Variants in ECT2L observed in about 807,000 individuals in gnomAD.
ECT2L encodes the protein epithelial cell-transforming sequence 2 oncogene-like.
Under a neutral mutation model 122.8 loss-of-function variants are expected in ECT2L, and 126 were observed. That is an observed-to-expected ratio of 1.03 (90% CI 0.89 to 1.19). The LOEUF (loss-of-function observed/expected upper bound fraction) is 1.19, where lower values mean the gene tolerates loss of function less well. Ranked by LOEUF, ECT2L falls within the 50% of genes most tolerant of loss-of-function variation. The probability of loss-of-function intolerance (pLI) is 0.00; values close to 1 mark genes in which losing one functional copy is unlikely to be tolerated. For missense variants in ECT2L, 1,012 were observed against 1,064.1 expected, an observed-to-expected ratio of 0.95 and a Z score of 0.68; for synonymous variants, 385 against 381.8, an observed-to-expected ratio of 1.01 and a Z score of -0.10.
At chr6:138,846,992 G>T (rs577158330) in intron 8 of ECT2L, among the ~76,000 whole-genome samples, 1 of 148,436 alleles carries the variant, frequency 6.7e-6, no homozygotes, top group African/African-American at 2.5e-5. Flanking sequence ...AAAAGGCCAG[G>T]TGCAGTGACT....
intron 21 of ECT2L, among the ~76,000 whole-genome samples, chr6:138,902,084 C>G (rs180740529): frequency 5.9e-5 from 9 of 152,284 alleles, no homozygotes; most frequent in Non-Finnish European, 1.0e-4. Flanking sequence ...GTTAAGTAAC[C>G]TAATAGACAG....
At chr6:138,806,644 C>T (rs767114596) in intron 1 of ECT2L, among the ~76,000 whole-genome samples, 20 of 150,934 alleles carry the variant, frequency 1.3e-4, no homozygotes, top group Non-Finnish European at 2.9e-4. Flanking sequence ...TCTCGAGTAG[C>T]TAGGATTACA....
chr6:138,885,780 T>C lies in ECT2L; in HGVS notation c.2209T>C (p.Leu737=). The C allele has an allele frequency of 3.7e-6, 6 of 1,614,190 alleles. No individual in the cohort carries two copies. The highest frequency in any genetic ancestry group is 3.3e-5 in the South Asian group (3 of 91,076). The change falls in exon 18 of 22, where the codon TTG becomes CTG. Residue 737 remains leucine, a synonymous_variant. Coordinates refer to ENST00000541398, the MANE Select transcript of ECT2L (RefSeq NM_001077706.3). ...TGCAGAGCATGTTGACCGTGGGGAC[T>C]TGACCACTGCAATTGACCAAATCAA... ...TPAEHVDRGD[L]TTAIDQIKKY... is the part of the protein sequence containing the mutation.
intron 4 of ECT2L, among the ~76,000 whole-genome samples, chr6:138,818,247 TCTCGTCA>T (rs1286657841): frequency 6.6e-5 from 10 of 152,126 alleles, no homozygotes; most frequent in Non-Finnish European, 1.2e-4. Context: ...AAGGATTCAC[TCTCGTCA>T]CTTGTCTCCA....
intron 1 of ECT2L, among the ~76,000 whole-genome samples, chr6:138,808,906 T>C (rs2128371268): frequency 6.6e-6 from 1 of 152,212 alleles, no homozygotes; most frequent in Middle Eastern, 3.4e-3. Flanking sequence ...TTTCTATTTT[T>C]AGTACAGATG....
At position 138,878,315 on chromosome 6, in the gene ECT2L, A is replaced by T. The variant is rs1341332584; in HGVS notation, c.1665+1757A>T. ...TAGATACATATATATATACACACAC[A>T]CACACACACACACACACATACATAT... On this transcript the variant is annotated intron_variant, in intron 14 of 21. Transcript: ENST00000541398. Among the ~76,000 whole-genome samples, 9 of 152,174 alleles carry T rather than the reference A, an allele frequency of 5.9e-5. No individual in the cohort carries two copies. The East Asian group carries it at 1.7e-3, about 29-fold the overall frequency.
rs1777228301 is a variant in ECT2L, at chr6:138,846,566, C to T, written c.792C>T (p.Tyr264=). 7 of 1,602,642 alleles carry T rather than the reference C, an allele frequency of 4.4e-6. No homozygotes were observed. The highest frequency in any genetic ancestry group is 5.1e-6 in the Non-Finnish European group (6 of 1,176,818). ...GCAATATTTCTGGAAGCCATTCCTACCCTTTATTATCAAAGAAAAATTGGC... is the reference window on the plus strand; with the variant it reads ...GCAATATTTCTGGAAGCCATTCCTATCCTTTATTATCAAAGAAAAATTGGC... ...KRSNISGSHS[Y]PLLSKKNWHG... Residue 264 remains tyrosine (Y), a synonymous_variant, in exon 8 of 22, where the codon TAC becomes TAT. Coordinates refer to ENST00000541398, the MANE Select transcript of ECT2L (RefSeq NM_001077706.3).
chr6:138,856,494 T>G (rs1322346872), intron 10 of ECT2L, among the ~76,000 whole-genome samples: 2 of 152,364 alleles, frequency 1.3e-5, no homozygotes, highest in Middle Eastern at 3.4e-3. Context: ...ATTACAGGCA[T>G]GAGCCACCAC....
At chr6:138,807,709 T>A (rs1041966266) in intron 1 of ECT2L, among the ~76,000 whole-genome samples, 1 of 152,180 alleles carries the variant, frequency 6.6e-6, no homozygotes, top group Non-Finnish European at 1.5e-5. Context: ...TTATTTCTCA[T>A]GGTTCTGAGG....
intron 4 of ECT2L, chr6:138,823,485 A>G (rs1776334490): frequency 1.3e-6 from 2 of 1,594,690 alleles, no homozygotes; most frequent in Admixed American, 3.5e-5. Flanking sequence ...CACAGTCGTT[A>G]TAGTTTTCAT....
At chr6:138,840,379 A>C (rs1776996657) in intron 5 of ECT2L, among the ~76,000 whole-genome samples, 1 of 125,906 alleles carries the variant, frequency 7.9e-6, no homozygotes, top group African/African-American at 2.5e-5. Context: ...ATATGTGACC[A>C]TATTTTTTTC....
At chr6:138,801,110 A>G (rs540440370) in intron 1 of ECT2L, among the ~76,000 whole-genome samples, 6 of 152,236 alleles carry the variant, frequency 3.9e-5, no homozygotes, top group Non-Finnish European at 8.8e-5. Context: ...TACATTGGCC[A>G]TTAAGGTTCA....
chr6:138,852,381 G>GTCT (rs1777480968), intron 9 of ECT2L, among the ~76,000 whole-genome samples: 1 of 150,750 alleles, frequency 6.6e-6, no homozygotes, highest in Admixed American at 6.6e-5. Context: ...AGAAGTAGAC[G>GTCT]TCTAGTTTCT....
intron 1 of ECT2L, among the ~76,000 whole-genome samples, chr6:138,798,878 G>A (rs554186410): frequency 1.2e-4 from 18 of 152,272 alleles, no homozygotes; most frequent in Non-Finnish European, 2.1e-4. Flanking sequence ...CCAATCCCAG[G>A]AGCCGTACTT....
At chr6:138,893,666 T>C (rs1386370790) in intron 20 of ECT2L, among the ~76,000 whole-genome samples, 1 of 152,060 alleles carries the variant, frequency 6.6e-6, no homozygotes, top group African/African-American at 2.4e-5. Context: ...AAATGATCCA[T>C]CTGCCTTGGC....
At chr6:138,810,574 A>G (rs1775860444) in intron 1 of ECT2L, among the ~76,000 whole-genome samples, 2 of 152,224 alleles carry the variant, frequency 1.3e-5, no homozygotes, top group South Asian at 4.1e-4. Context: ...AGAAGTTGAC[A>G]TTGTCAAGGG....
chr6:138,817,946 T>C (rs987883925), intron 4 of ECT2L, among the ~76,000 whole-genome samples: 9 of 152,228 alleles, frequency 5.9e-5, no homozygotes, highest in Non-Finnish European at 1.2e-4. Flanking sequence ...TGACCTTTCC[T>C]GTGACTCCTT....
chr6:138,796,118 G>C lies in ECT2L; in HGVS notation c.-318G>C, dbSNP rs1013963205. On this transcript the variant is annotated 5_prime_UTR_variant, in exon 1 of 22. Transcript: ENST00000541398. ...CTCCGGAGCTGCGGCCCGAGTTGGCGCACTCGATTTTCACTGCGCGGTTCC... is the reference window on the plus strand; with the variant it reads ...CTCCGGAGCTGCGGCCCGAGTTGGCCCACTCGATTTTCACTGCGCGGTTCC... The C allele has an allele frequency of 6.5e-6, 1 of 152,720 alleles. No homozygotes were observed. The highest frequency in any genetic ancestry group is 1.5e-5 in the Non-Finnish European group (1 of 68,522). The allele number at this position is 152,720 out of a possible 1,614,324, so 9.5% of individuals were successfully genotyped here.
chr6:138,844,503 T>A lies in ECT2L; in HGVS notation c.687T>A (p.Thr229=). The change falls in exon 7 of 22, where the codon ACT becomes ACA. Residue 229 remains threonine, a synonymous_variant. Coordinates refer to ENST00000541398, the MANE Select transcript of ECT2L (RefSeq NM_001077706.3). ...KPRCQPRLSQ[T]VRERVGLHEA... ...GATGCCAACCACGCCTCTCCCAGAC[T>A]GTAAGGGAGCGAGTGGGATTACATG... 6.2e-7 allele frequency: 1 copy of A among 1,614,170 alleles called. No homozygotes were observed. The highest frequency in any genetic ancestry group is 8.5e-7 in the Non-Finnish European group (1 of 1,180,012).
Sources: allele counts gnomAD v4.1 joint callset (sites outside exome capture counted in the v4.1 genomes callset), GRCh38; gene constraint gnomAD v4.1.1; transcripts MANE v1.5; gene names NCBI Gene and HGNC (gene_info 2026-07-23, HGNC 2026-07-21).